Variants in TRABD2A observed in about 807,000 individuals in gnomAD.
TRABD2A encodes the protein metalloprotease TIKI1.
A neutral mutation model predicts 45.6 loss-of-function variants in TRABD2A; 43 were observed. That is an observed-to-expected ratio of 0.94 (90% CI 0.74 to 1.22). The LOEUF (loss-of-function observed/expected upper bound fraction) is 1.22, where lower values mean the gene tolerates loss of function less well. Ranked by LOEUF, TRABD2A falls within the 50% of genes most tolerant of loss-of-function variation. TRABD2A has a pLI of 0.00. For missense variants in TRABD2A, 642 were observed against 652.4 expected, an observed-to-expected ratio of 0.98 and a Z score of 0.17; for synonymous variants, 269 against 265.0, an observed-to-expected ratio of 1.02 and a Z score of -0.15.
intron 2 of TRABD2A, 28 bp from the exon 3 acceptor site, chr2:84,842,035 C>T: frequency 6.9e-7 from 1 of 1,456,766 alleles, no homozygotes; most frequent in Non-Finnish European, 9.1e-7. Context: ...TTTAAGTTCA[C>T]TAACAAGGCA....
intron 2 of TRABD2A, among the ~76,000 whole-genome samples, chr2:84,853,352 C>G (rs1191301447): frequency 6.6e-6 from 1 of 152,146 alleles, no homozygotes; most frequent in African/African-American, 2.4e-5. Flanking sequence ...AAACTTACAA[C>G]CATGGCAGAA....
In TRABD2A at chr2:84,821,991, C is replaced by CA; in HGVS notation, c.1443dup (p.Ala482CysfsTer35). 1.2e-6 allele frequency: 2 copies of CA among 1,600,300 alleles called. No individual in the cohort carries two copies. Among genetic ancestry groups the CA allele is most frequent in the Non-Finnish European group, 1.7e-6 (2 of 1,173,664 alleles). On this transcript the variant is annotated frameshift_variant, in exon 7 of 7. Coordinates refer to ENST00000409520, the MANE Select transcript of TRABD2A (RefSeq NM_001277053.2). LOFTEE classifies it high-confidence loss of function. ...ACAGGAGTCCAGAGAGACAGGCAGG[C>CA]ACTGCTGGCCACCATCTGGCTGTGG...
intron 6 of TRABD2A, among the ~76,000 whole-genome samples, chr2:84,823,524 A>T (rs1012039248): frequency 2.4e-4 from 37 of 152,186 alleles, no homozygotes; most frequent in African/African-American, 8.0e-4. Flanking sequence ...CATCTCTGAG[A>T]CTACATTTGG....
chr2:84,822,170 A>G, intron 6 of TRABD2A, 70 bp from the exon 7 acceptor site: 1 of 1,334,802 alleles, frequency 7.5e-7, no homozygotes. Flanking sequence ...AGGCCCCCAA[A>G]TGCCCACACA....
intron 1 of TRABD2A, among the ~76,000 whole-genome samples, chr2:84,876,558 C>T (rs1683033193): frequency 6.6e-6 from 1 of 152,182 alleles, no homozygotes; most frequent in African/African-American, 2.4e-5. Flanking sequence ...GGGACTCAGA[C>T]AAGAACAGTT....
chr2:84,828,898 T>A (rs1156408869), intron 5 of TRABD2A, among the ~76,000 whole-genome samples: 2 of 152,124 alleles, frequency 1.3e-5, no homozygotes, highest in African/African-American at 4.8e-5. Flanking sequence ...GCAATTGTGC[T>A]GGATCTCACA....
intron 2 of TRABD2A, among the ~76,000 whole-genome samples, chr2:84,859,428 G>C (rs1682420802): frequency 6.6e-6 from 1 of 152,186 alleles, no homozygotes; most frequent in South Asian, 2.1e-4. Context: ...AAGTTTATGT[G>C]CCAGGCCAGA....
chr2:84,851,333 T>A (rs1166607563), intron 2 of TRABD2A, among the ~76,000 whole-genome samples: 1 of 152,196 alleles, frequency 6.6e-6, no homozygotes, highest in Non-Finnish European at 1.5e-5. Context: ...GGCATTGCAT[T>A]TGGAAGGACC....
chr2:84,860,285 C>G (rs1025277378), intron 2 of TRABD2A, among the ~76,000 whole-genome samples: 1 of 152,156 alleles, frequency 6.6e-6, no homozygotes, highest in Non-Finnish European at 1.5e-5. Context: ...CCCCCCATAC[C>G]TCTGGAAATG....
At chr2:84,865,460 C>G (rs551031402) in intron 2 of TRABD2A, among the ~76,000 whole-genome samples, 10 of 152,358 alleles carry the variant, frequency 6.6e-5, no homozygotes, top group African/African-American at 1.4e-4. Context: ...TTACATCCAA[C>G]TAACTGCCTC....
At chr2:84,849,815 A>G (rs1488394765) in intron 2 of TRABD2A, among the ~76,000 whole-genome samples, 1 of 152,200 alleles carries the variant, frequency 6.6e-6, no homozygotes, top group Non-Finnish European at 1.5e-5. Flanking sequence ...TCTGAATGCC[A>G]ATTCCCTGCA....
Position 84,870,275 on chromosome 2 carries a change from C to A in TRABD2A, c.619G>T (p.Glu207Ter), listed in dbSNP as rs1682827664. ...ERLRKQTGAV[E>*]KVEEQCHPLN... ...GGATGGCACTGCTCTTCCACCTTTT[C>A]CACTGCCCCAGTCTGTTTCCTCAGC... The change falls in exon 2 of 7, where the codon GAA (glutamate) becomes TAA (stop). Residue 207 changes from glutamate (E) to a stop codon, truncating the protein, a stop_gained. Coordinates refer to ENST00000409520, the MANE Select transcript of TRABD2A (RefSeq NM_001277053.2). LOFTEE classifies it high-confidence loss of function. 6.2e-7 allele frequency: 1 copy of A among 1,613,960 alleles called. No homozygotes were observed. Among genetic ancestry groups the A allele is most frequent in the Non-Finnish European group, 8.5e-7 (1 of 1,179,866 alleles).
intron 2 of TRABD2A, among the ~76,000 whole-genome samples, chr2:84,844,403 A>G (rs1477808839): frequency 1.3e-5 from 2 of 152,062 alleles, no homozygotes; most frequent in Non-Finnish European, 2.9e-5. Context: ...ACCTTCCGCC[A>G]TGATTGTGAG....
At position 84,862,582 on chromosome 2, in the gene TRABD2A, TGTACAAAAATAG is replaced by T. The variant is rs1316583999; in HGVS notation, c.669+7631_669+7642del. 1.3e-5 allele frequency among the ~76,000 whole-genome samples: 2 copies of T among 152,070 alleles called. 1 individual carries two copies. Among genetic ancestry groups the T allele is most frequent in the African/African-American group, 4.8e-5 (2 of 41,406 alleles). ...GCAGCATGTGTGGCATCCAGGTACC[TGTACAAAAATAG>T]GTACAAAAATACCTATTCTTGGTTT... On this transcript the variant is annotated intron_variant, in intron 2 of 6. Coordinates refer to ENST00000409520, the MANE Select transcript of TRABD2A (RefSeq NM_001277053.2).
At chr2:84,834,448 A>G (rs1225290821) in intron 4 of TRABD2A, 1 of 152,298 alleles carries the variant, frequency 6.6e-6, no homozygotes, top group Non-Finnish European at 1.5e-5. Flanking sequence ...AATTCACATA[A>G]CATAAAATTC....
At chr2:84,864,036 C>CT (rs1242594905) in intron 2 of TRABD2A, among the ~76,000 whole-genome samples, 1 of 151,398 alleles carries the variant, frequency 6.6e-6, no homozygotes, top group African/African-American at 2.4e-5. Context: ...AGATCTCCTG[C>CT]TTTTTTTGGA....
At chr2:84,874,041 T>C (rs920054388) in intron 1 of TRABD2A, among the ~76,000 whole-genome samples, 22 of 151,870 alleles carry the variant, frequency 1.4e-4, no homozygotes, top group African/African-American at 5.3e-4. Flanking sequence ...AATGGAGGGG[T>C]GGGGTTCGTT....
intron 5 of TRABD2A, among the ~76,000 whole-genome samples, chr2:84,831,460 A>T (rs1681336135): frequency 6.6e-6 from 1 of 151,882 alleles, no homozygotes; most frequent in Non-Finnish European, 1.5e-5. Flanking sequence ...GGTGGACAGC[A>T]TTGCTGAGGG....
rs143481529 is a variant in TRABD2A, at chr2:84,862,879, C to A, written c.669+7346G>T. Reference sequence around the variant, plus strand: ...AGCTTCACAGCCAGCCATTCAGGTACAACGTTGGTTTGATTTTCTGCTCTG... The same window carrying A: ...AGCTTCACAGCCAGCCATTCAGGTAAAACGTTGGTTTGATTTTCTGCTCTG... On this transcript the variant is annotated intron_variant, in intron 2 of 6. Coordinates refer to ENST00000409520, the MANE Select transcript of TRABD2A (RefSeq NM_001277053.2). Among the ~76,000 whole-genome samples the A allele has an allele frequency of 1.1e-3, 163 of 152,286 alleles. 1 individual carries two copies. Among genetic ancestry groups the A allele is most frequent in the African/African-American group, 3.7e-3 (153 of 41,542 alleles).
Sources: allele counts gnomAD v4.1 joint callset (sites outside exome capture counted in the v4.1 genomes callset), GRCh38; gene constraint gnomAD v4.1.1; transcripts MANE v1.5; gene names NCBI Gene and HGNC (gene_info 2026-07-23, HGNC 2026-07-21).